Variants in PARD3B observed in about 807,000 individuals in gnomAD.
PARD3B encodes the protein partitioning defective 3 homolog B.
A neutral mutation model predicts 130.2 loss-of-function variants in PARD3B; 103 were observed. That is an observed-to-expected ratio of 0.79 (90% CI 0.67 to 0.93). PARD3B has a LOEUF of 0.93. Among genes scored for constraint, PARD3B ranks in the 40% least tolerant of loss-of-function variants. The pLI is 0.00. For missense variants in PARD3B, 1,609 were observed against 1,499.2 expected (o/e 1.07, Z -1.21); for synonymous variants, 583 against 553.2 (o/e 1.05, Z -0.76).
At chr2:205,451,908 T>C (rs1376709862) in intron 20 of PARD3B, among the ~76,000 whole-genome samples, 1 of 152,172 alleles carries the variant, frequency 6.6e-6, no homozygotes, top group African/African-American at 2.4e-5. Flanking sequence ...AAATACTAGG[T>C]CTTGCTTATT....
chr2:205,393,859 G>T (rs1408773339), intron 18 of PARD3B, among the ~76,000 whole-genome samples: 4 of 152,160 alleles, frequency 2.6e-5, no homozygotes, highest in Non-Finnish European at 4.4e-5. Context: ...ATCAGCGTAT[G>T]TATGGGAGTC....
In PARD3B at chr2:205,589,091, C is replaced by G. The variant is rs1048286075; in HGVS notation, c.3261-26365C>G. Among the ~76,000 whole-genome samples, 7 of 152,178 alleles carry G rather than the reference C, an allele frequency of 4.6e-5. No homozygotes were observed. Among genetic ancestry groups the G allele is most frequent in the African/African-American group, 9.7e-5 (4 of 41,434 alleles). On this transcript the variant is annotated intron_variant, in intron 22 of 22. Coordinates refer to ENST00000406610, the MANE Select transcript of PARD3B (RefSeq NM_001302769.2). This position sits in a 1 kb window ranked among gnomAD's most constrained non-coding sequence, Gnocchi z 4.1. ...TCCTTTGAATCCAGGAGTTTCAGAC[C>G]AGTCTGGGTAACATGGCAAAACCCC...
intron 21 of PARD3B, among the ~76,000 whole-genome samples, chr2:205,545,605 G>A (rs776415957): frequency 7.2e-5 from 11 of 152,124 alleles, no homozygotes; most frequent in African/African-American, 2.2e-4. Context: ...TGAATAAGCC[G>A]TATTGCAACT....
intron 4 of PARD3B, among the ~76,000 whole-genome samples, chr2:205,061,564 T>A (rs1292918966): frequency 3.3e-5 from 5 of 152,130 alleles, no homozygotes; most frequent in Admixed American, 3.3e-4. Context: ...AATACATACG[T>A]ATGTTGGATT....
chr2:205,273,979 C>T (rs1319451363), intron 16 of PARD3B, among the ~76,000 whole-genome samples: 5 of 152,110 alleles, frequency 3.3e-5, no homozygotes, highest in Non-Finnish European at 7.4e-5. Context: ...GGTTGCAGAG[C>T]ACACACCACC....
intron 11 of PARD3B, among the ~76,000 whole-genome samples, chr2:205,161,305 A>C (rs979507114): frequency 6.6e-6 from 1 of 152,072 alleles, no homozygotes; most frequent in African/African-American, 2.4e-5. Flanking sequence ...CATTTATGTA[A>C]ATTTCTTTCC....
chr2:205,115,607 T>C (rs1703966758), intron 6 of PARD3B, among the ~76,000 whole-genome samples: 1 of 152,146 alleles, frequency 6.6e-6, no homozygotes, highest in South Asian at 2.1e-4. Flanking sequence ...AGGAAGGAAA[T>C]TTAATTAAAA....
intron 15 of PARD3B, among the ~76,000 whole-genome samples, chr2:205,242,898 G>C (rs2039412833): frequency 6.6e-6 from 1 of 152,154 alleles, no homozygotes; most frequent in African/African-American, 2.4e-5. Flanking sequence ...CGGGCGCAGT[G>C]GTTCACGCCT....
At chr2:204,658,339 TTATAGA>T (rs1037281152) in intron 1 of PARD3B, among the ~76,000 whole-genome samples, 15 of 152,320 alleles carry the variant, frequency 9.8e-5, no homozygotes, top group Admixed American at 9.2e-4. Flanking sequence ...TTCTGTGTTC[TTATAGA>T]TATAAACTTT....
At chr2:204,865,917 A>G (rs964829507) in intron 2 of PARD3B, among the ~76,000 whole-genome samples, 1 of 152,142 alleles carries the variant, frequency 6.6e-6, no homozygotes, top group African/African-American at 2.4e-5. Flanking sequence ...TTGTTGCTTA[A>G]TCTTTGAACC....
intron 2 of PARD3B, among the ~76,000 whole-genome samples, chr2:204,945,858 A>G (rs1474471430): frequency 6.6e-6 from 1 of 152,090 alleles, no homozygotes; most frequent in Non-Finnish European, 1.5e-5. Context: ...TAACCTCCAG[A>G]GACCTACACT....
At chr2:204,730,845 G>C (rs1393483886) in intron 2 of PARD3B, among the ~76,000 whole-genome samples, 2 of 152,138 alleles carry the variant, frequency 1.3e-5, no homozygotes, top group Non-Finnish European at 1.5e-5. Context: ...TGTGCCATCT[G>C]GTGCTACAGA....
chr2:205,158,677 T>C lies in PARD3B; in HGVS notation c.1435-45T>C. 1.3e-6 allele frequency: 2 copies of C among 1,521,504 alleles called. No homozygotes were observed. The highest frequency in any genetic ancestry group is 2.3e-5 in the South Asian group (2 of 85,584). 94.3% of individuals were successfully genotyped at this position (1,521,504 alleles called of 1,614,324 possible). A position where few individuals can be genotyped will look rare whatever the true frequency, so the allele number is the denominator to read the frequency against. On this transcript the variant is annotated intron_variant, in intron 10 of 22. Coordinates refer to ENST00000406610, the MANE Select transcript of PARD3B (RefSeq NM_001302769.2). This position sits in a 1 kb window ranked among gnomAD's most constrained non-coding sequence, Gnocchi z 5.4. Reference sequence around the variant, plus strand: ...GTCATCTGAGAGAGTGAAATATTAATCTGCTTTCTTCTCTTCACTCTTTTC... The same window carrying C: ...GTCATCTGAGAGAGTGAAATATTAACCTGCTTTCTTCTCTTCACTCTTTTC...
intron 21 of PARD3B, among the ~76,000 whole-genome samples, chr2:205,516,652 C>A (rs2050801590): frequency 6.6e-6 from 1 of 152,146 alleles, no homozygotes; most frequent in African/African-American, 2.4e-5. Flanking sequence ...AGTTTATCAG[C>A]TGAAGGAGCT....
At chr2:204,788,879 T>C (rs1275928569) in intron 2 of PARD3B, among the ~76,000 whole-genome samples, 1 of 152,230 alleles carries the variant, frequency 6.6e-6, no homozygotes, top group African/African-American at 2.4e-5. Flanking sequence ...CAACATTATG[T>C]ATATTATATT....
At chr2:204,620,008 C>G (rs949199327) in intron 1 of PARD3B, among the ~76,000 whole-genome samples, 1 of 152,046 alleles carries the variant, frequency 6.6e-6, no homozygotes, top group African/African-American at 2.4e-5. Context: ...GCACCTCTCT[C>G]TCTCTTTTTT....
chr2:205,299,921 C>T (rs1245648856), intron 16 of PARD3B, among the ~76,000 whole-genome samples: 1 of 152,086 alleles, frequency 6.6e-6, no homozygotes, highest in Admixed American at 6.5e-5. Context: ...ATGGCAGTTA[C>T]CATACATTAA....
chr2:205,180,773 G>T (rs533748679), intron 13 of PARD3B, among the ~76,000 whole-genome samples: 1 of 151,982 alleles, frequency 6.6e-6, no homozygotes, highest in African/African-American at 2.4e-5. Context: ...TATAGAAATC[G>T]TAATACCAGA....
In PARD3B at chr2:204,883,418, AT is replaced by A. The variant is rs1286505012; in HGVS notation, c.223-81733del. Among the ~76,000 whole-genome samples the A allele has an allele frequency of 1.0e-4, 10 of 100,184 alleles. No individual in the cohort carries two copies. In the East Asian group the frequency reaches 2.3e-3, roughly 23 times the overall value. 65.7% of individuals were successfully genotyped at this position (100,184 alleles called of 152,430 possible). A position where few individuals can be genotyped will look rare whatever the true frequency, so the allele number is the denominator to read the frequency against. On this transcript the variant is annotated intron_variant, in intron 2 of 22. Coordinates refer to ENST00000406610, the MANE Select transcript of PARD3B (RefSeq NM_001302769.2). ...TGTATATATATATTATATATATATA[AT>A]ATATATATATATAAAATATATATAT...
Sources: allele counts gnomAD v4.1 joint callset (sites outside exome capture counted in the v4.1 genomes callset), GRCh38; gene constraint gnomAD v4.1.1; non-coding constraint Gnocchi (gnomAD v3.1); transcripts MANE v1.5; gene names NCBI Gene and HGNC (gene_info 2026-07-23, HGNC 2026-07-21).